Variants in BCAP31 observed in about 807,000 individuals in gnomAD.
The protein encoded by BCAP31 is B-cell receptor-associated protein 31.
For missense variants in BCAP31, 124 were observed against 193.0 expected, an observed-to-expected ratio of 0.64 and a Z score of 2.12; for synonymous variants, 75 against 80.9, an observed-to-expected ratio of 0.93 and a Z score of 0.39.
At chrX:153,721,016 C>T in intron 2 of BCAP31, 44 bp from the exon 3 acceptor site, 1 of 1,120,320 alleles carries the variant, frequency 8.9e-7, no homozygotes, top group South Asian at 1.9e-5. Flanking sequence ...AGAAAGCACA[C>T]ACACGAGCTC....
At chrX:153,718,602 A>G (rs1557050502) in intron 3 of BCAP31, among the ~76,000 whole-genome samples, 1 of 112,375 alleles carries the variant, frequency 8.9e-6, no homozygotes, top group Non-Finnish European at 1.9e-5. Context: ...ACCTGTGGGA[A>G]ATGGGATTAT....
chrX:153,715,808 C>G, intron 3 of BCAP31, 119 bp from the exon 4 acceptor site: 1 of 859,220 alleles, frequency 1.2e-6, no homozygotes, highest in Non-Finnish European at 1.7e-6. Flanking sequence ...ATCCGCCTCC[C>G]CAGTTCTTCC....
intron 7 of BCAP31, 130 bp from the exon 8 acceptor site, chrX:153,701,105 A>G (rs1380196514): frequency 4.9e-5 from 28 of 572,374 alleles, no homozygotes; most frequent in Admixed American, 1.5e-4. Flanking sequence ...CAAGTGAACA[A>G]GGGGCCCCCT....
intron 4 of BCAP31, among the ~76,000 whole-genome samples, chrX:153,704,643 G>A (rs1183539915): frequency 2.7e-5 from 3 of 111,987 alleles, no homozygotes; most frequent in Non-Finnish European, 5.6e-5. Flanking sequence ...GGACATGGCT[G>A]GAATTCCAAA....
intron 2 of BCAP31, 183 bp from the exon 3 acceptor site, chrX:153,721,155 G>T (rs1374232712): frequency 2.4e-6 from 1 of 424,976 alleles, no homozygotes; most frequent in African/African-American, 2.5e-5. Flanking sequence ...TGGAAAAAAG[G>T]CCAGGTGCAA....
At chrX:153,720,783 T>G (rs1199917723) in intron 3 of BCAP31, 89 bp downstream of exon 3, 1 of 874,039 alleles carries the variant, frequency 1.1e-6, no homozygotes. Context: ...CAGCCAAAAC[T>G]GGATGCTACA....
At chrX:153,721,788 C>T (rs1167104871) in intron 2 of BCAP31, among the ~76,000 whole-genome samples, 1 of 107,884 alleles carries the variant, frequency 9.3e-6, no homozygotes, top group Non-Finnish European at 1.9e-5. Context: ...GTCCCAGCTA[C>T]TCGTGAGGCT....
Position 153,703,068 on chromosome X carries a change from G to T in BCAP31, c.478-10C>A. 1 of 1,208,907 alleles carries T rather than the reference G, an allele frequency of 8.3e-7. No homozygotes were observed. Among genetic ancestry groups the T allele is most frequent in the Non-Finnish European group, 1.1e-6 (1 of 895,275 alleles). ...CGTCAACAGCAGCTCCCTGGGAAAA[G>T]TGCCAAAGGCCAGGGTTACTCAGGA... On this transcript the variant is annotated splice_polypyrimidine_tract_variant and intron_variant, in intron 5 of 7. Coordinates refer to ENST00000345046, the MANE Select transcript of BCAP31 (RefSeq NM_001256447.2).
intron 4 of BCAP31, among the ~76,000 whole-genome samples, chrX:153,706,374 C>A (rs1479500199): frequency 8.9e-6 from 1 of 112,351 alleles, no homozygotes; most frequent in Non-Finnish European, 1.9e-5. Context: ...TTTTCCCTCC[C>A]ATATATTCCT....
intron 4 of BCAP31, among the ~76,000 whole-genome samples, chrX:153,710,143 T>C (rs1317186211): frequency 9.0e-6 from 1 of 111,683 alleles, no homozygotes; most frequent in Non-Finnish European, 1.9e-5. Flanking sequence ...GAGACCCACA[T>C]GACTGCTTCA....
chrX:153,720,737 G>T, intron 3 of BCAP31, 135 bp downstream of exon 3: 1 of 544,211 alleles, frequency 1.8e-6, no homozygotes, highest in East Asian at 3.6e-5. Context: ...CCTCCCTCAA[G>T]AGAAAGACAC....
intron 4 of BCAP31, among the ~76,000 whole-genome samples, chrX:153,704,539 GATGAGGAAGTTACT>G (rs1194722973): frequency 2.7e-5 from 3 of 112,335 alleles, no homozygotes. Flanking sequence ...ACATCTACCT[GATGAGGAAGTTACT>G]ATCACTGCCC....
chrX:153,711,321 C>T (rs1246944117), intron 4 of BCAP31, among the ~76,000 whole-genome samples: 1 of 112,146 alleles, frequency 8.9e-6, no homozygotes, highest in African/African-American at 3.2e-5. Flanking sequence ...CGTTCAGGTT[C>T]CCAGCAAGTC....
At chrX:153,704,405 G>T (rs2091540490) in intron 4 of BCAP31, among the ~76,000 whole-genome samples, 1 of 112,115 alleles carries the variant, frequency 8.9e-6, no homozygotes, top group African/African-American at 3.2e-5. Context: ...TTCCGGGTCG[G>T]GGCCTAGACG....
intron 3 of BCAP31, among the ~76,000 whole-genome samples, chrX:153,720,130 G>C (rs73633768): frequency 9.0e-6 from 1 of 111,621 alleles, no homozygotes; most frequent in Non-Finnish European, 1.9e-5. Context: ...TCCCCCATTA[G>C]AGGCCCTGCT....
chrX:153,711,479 A>C (rs1327208589), intron 4 of BCAP31, among the ~76,000 whole-genome samples: 1 of 112,495 alleles, frequency 8.9e-6, no homozygotes, highest in Non-Finnish European at 1.9e-5. Context: ...ACCACGCAGA[A>C]AAGTTGCATA....
At chrX:153,713,162 G>A (rs1357181858) in intron 4 of BCAP31, among the ~76,000 whole-genome samples, 5 of 111,000 alleles carry the variant, frequency 4.5e-5, no homozygotes, top group African/African-American at 1.6e-4. Flanking sequence ...AGCCGAGATC[G>A]AGCCACTGCA....
chrX:153,703,084 T>A, intron 5 of BCAP31, 26 bp from the exon 6 acceptor site: 1 of 1,206,765 alleles, frequency 8.3e-7, no homozygotes, highest in African/African-American at 1.7e-5. Flanking sequence ...AAGGCCAGGG[T>A]TACTCAGGAG....
At chrX:153,723,398 CT>C in intron 1 of BCAP31, 110 bp from the exon 2 acceptor site, 1 of 1,130,492 alleles carries the variant, frequency 8.8e-7, no homozygotes, top group Non-Finnish European at 1.2e-6. Flanking sequence ...ACCCCCTGCA[CT>C]TTGCTTCAAA....
Sources: allele counts gnomAD v4.1 joint callset (sites outside exome capture counted in the v4.1 genomes callset), GRCh38; gene constraint gnomAD v4.1.1; transcripts MANE v1.5; gene names NCBI Gene and HGNC (gene_info 2026-07-23, HGNC 2026-07-21).